The following PSMB7 variants were observed in gnomAD, a reference collection of about 807,000 sequenced individuals.
The protein encoded by PSMB7 is proteasome 20S subunit beta 7, also known as proteasome subunit beta type-7.
In PSMB7, 5 loss-of-function variants were observed where a neutral mutation model predicts 28.1. The ratio of observed to expected loss-of-function variants is 0.18; its 90% CI spans 0.09 to 0.37. The LOEUF (loss-of-function observed/expected upper bound fraction) is 0.37. Ranked by LOEUF, PSMB7 falls within the 10% of genes least tolerant of loss-of-function variation. The pLI is 1.00. For synonymous variants in PSMB7, 122 were observed against 123.7 expected (o/e 0.99, Z 0.09); for missense variants, 275 against 346.2 (o/e 0.79, Z 1.63).
intron 6 of PSMB7, among the ~76,000 whole-genome samples, chr9:124,382,922 A>AG (rs2131160645): frequency 6.6e-6 from 1 of 152,348 alleles, no homozygotes; most frequent in East Asian, 1.9e-4. Context: ...AACATACGGA[A>AG]GTCCCAATCA....
At chr9:124,374,651 C>A (rs528201117) in intron 6 of PSMB7, among the ~76,000 whole-genome samples, 1 of 152,058 alleles carries the variant, frequency 6.6e-6, no homozygotes, top group African/African-American at 2.4e-5. Flanking sequence ...ATAGTGAGAC[C>A]GCTTATCTAA....
chr9:124,393,973 G>T (rs775580378), intron 5 of PSMB7, among the ~76,000 whole-genome samples: 4 of 152,238 alleles, frequency 2.6e-5, no homozygotes, highest in African/African-American at 9.6e-5. Flanking sequence ...GAAGCTGAGT[G>T]CAAGGCATAC....
intron 6 of PSMB7, chr9:124,383,796 C>A (rs1406985973): frequency 6.6e-6 from 1 of 152,068 alleles, no homozygotes; most frequent in Non-Finnish European, 1.5e-5. Flanking sequence ...TGATACTCCC[C>A]ATCAAAAAAT....
chr9:124,367,044 G>A (rs574993556), intron 6 of PSMB7, among the ~76,000 whole-genome samples: 1 of 152,198 alleles, frequency 6.6e-6, no homozygotes, highest in African/African-American at 2.4e-5. Flanking sequence ...TTGAAACTAC[G>A]ACAGGGAAGC....
At chr9:124,355,811 C>T (rs1347174257) in intron 7 of PSMB7, among the ~76,000 whole-genome samples, 1 of 152,238 alleles carries the variant, frequency 6.6e-6, no homozygotes, top group Non-Finnish European at 1.5e-5. Flanking sequence ...CCCACCCCAT[C>T]AGGAGCCCAC....
At chr9:124,380,156 A>T (rs1050991479) in intron 6 of PSMB7, among the ~76,000 whole-genome samples, 2 of 152,274 alleles carry the variant, frequency 1.3e-5, no homozygotes, top group African/African-American at 4.8e-5. Flanking sequence ...CGCTATATTC[A>T]AAGAACAGTG....
chr9:124,399,696 G>C (rs182649697), intron 5 of PSMB7, among the ~76,000 whole-genome samples: 2 of 152,192 alleles, frequency 1.3e-5, no homozygotes, highest in African/African-American at 4.8e-5. Context: ...GCTGAGGAAC[G>C]CCAGGAGAGA....
Position 124,414,008 on chromosome 9 carries a change from A to AT in PSMB7, c.157-4dup, listed in dbSNP as rs776173653. The stretch of plus-strand genomic sequence containing the variant: ...TCTGCTCCAAGAACTATGCCATCCT[A>AT]TTAAAAAAAAAAGTTTTTAAACAAT... On this transcript the variant is annotated splice_region_variant and splice_polypyrimidine_tract_variant and intron_variant, in intron 2 of 7. Coordinates refer to ENST00000259457, the MANE Select transcript of PSMB7 (RefSeq NM_002799.4). The AT allele has an allele frequency of 6.3e-7, 1 of 1,597,012 alleles. No homozygotes were observed. The highest frequency in any genetic ancestry group is 8.5e-7 in the Non-Finnish European group (1 of 1,170,358).
chr9:124,403,610 AACT>A (rs1332369597), intron 5 of PSMB7, among the ~76,000 whole-genome samples: 4 of 152,318 alleles, frequency 2.6e-5, no homozygotes, highest in Middle Eastern at 3.4e-3. Flanking sequence ...GCAAAAAAAT[AACT>A]ACTATTTACA....
chr9:124,369,147 T>G (rs1160145943), intron 6 of PSMB7, among the ~76,000 whole-genome samples: 1 of 152,190 alleles, frequency 6.6e-6, no homozygotes, highest in Non-Finnish European at 1.5e-5. Flanking sequence ...GATAAAATAT[T>G]CACTGCAAAT....
chr9:124,397,465 A>C (rs1473032447), intron 5 of PSMB7, among the ~76,000 whole-genome samples: 12 of 152,220 alleles, frequency 7.9e-5, no homozygotes, highest in Non-Finnish European at 1.8e-4. Context: ...CAAGTTAAAG[A>C]TGCGCAAGAC....
At chr9:124,389,781 G>A (rs1041121899) in intron 5 of PSMB7, among the ~76,000 whole-genome samples, 3 of 152,172 alleles carry the variant, frequency 2.0e-5, no homozygotes, top group East Asian at 3.9e-4. Flanking sequence ...CTCTGTCAGG[G>A]CCGGACTCAC....
At chr9:124,370,161 C>G (rs950632562) in intron 6 of PSMB7, among the ~76,000 whole-genome samples, 1 of 152,070 alleles carries the variant, frequency 6.6e-6, no homozygotes, top group Non-Finnish European at 1.5e-5. Flanking sequence ...CAAGAAACTT[C>G]CCCTATTACA....
At chr9:124,370,627 A>T (rs1378381165) in intron 6 of PSMB7, among the ~76,000 whole-genome samples, 1 of 152,086 alleles carries the variant, frequency 6.6e-6, no homozygotes, top group Non-Finnish European at 1.5e-5. Context: ...TTAAATTACC[A>T]TATGCTTTAG....
intron 5 of PSMB7, among the ~76,000 whole-genome samples, chr9:124,404,312 T>C (rs1184130479): frequency 6.6e-6 from 1 of 152,228 alleles, no homozygotes; most frequent in Non-Finnish European, 1.5e-5. Context: ...CATATGCAGA[T>C]GTAAAAAATA....
chr9:124,353,590 G>A lies in PSMB7; in HGVS notation c.*8C>T, dbSNP rs781250949. On this transcript the variant is annotated 3_prime_UTR_variant, in exon 8 of 8. Transcript: ENST00000259457. ...CCAGAACCGCGGCCAGCCACCCACT[G>A]ATGCCATTCAGGAAGTGTCCATTGT... is the stretch of plus-strand genomic sequence containing the variant. 1.3e-5 allele frequency: 20 copies of A among 1,599,060 alleles called. No homozygotes were observed. In the South Asian group the frequency reaches 2.2e-4, roughly 18 times the overall value.
At chr9:124,412,532 C>T in intron 3 of PSMB7, 40 bp from the exon 4 acceptor site, 1 of 1,608,266 alleles carries the variant, frequency 6.2e-7, no homozygotes, top group Non-Finnish European at 8.5e-7. Flanking sequence ...AATCCAATTA[C>T]CAGAGGGCTC....
chr9:124,378,381 G>A (rs1048736360), intron 6 of PSMB7, among the ~76,000 whole-genome samples: 5 of 152,114 alleles, frequency 3.3e-5, no homozygotes, highest in South Asian at 2.1e-4. Flanking sequence ...AGAGAGGGGG[G>A]AAAAAAGCTG....
chr9:124,365,531 A>G (rs6478658), intron 6 of PSMB7, among the ~76,000 whole-genome samples: 74,219 of 152,046 alleles, frequency 0.49, 18,517 homozygotes, highest in East Asian at 0.69. Context: ...AGGAAGACAC[A>G]AAAATTTCTA....
Sources: allele counts gnomAD v4.1 joint callset (sites outside exome capture counted in the v4.1 genomes callset), GRCh38; gene constraint gnomAD v4.1.1; transcripts MANE v1.5; gene names NCBI Gene and HGNC (gene_info 2026-07-23, HGNC 2026-07-21).